KLHL1: variants seen among roughly 807,000 people sequenced by gnomAD.
KLHL1 encodes kelch like family member 1.
Under a neutral mutation model 77.7 loss-of-function variants are expected in KLHL1, and 47 were observed. The ratio of observed to expected loss-of-function variants is 0.60; its 90% CI spans 0.48 to 0.77. The LOEUF is 0.77. Ranked by LOEUF, KLHL1 falls within the 30% of genes least tolerant of loss-of-function variation. The pLI is 0.00. For missense variants in KLHL1, 925 were observed against 910.8 expected, an observed-to-expected ratio of 1.02 and a Z score of -0.20; for synonymous variants, 360 against 325.2, an observed-to-expected ratio of 1.11 and a Z score of -1.15.
At chr13:69,731,009 T>C (rs1300358549) in intron 8 of KLHL1, among the ~76,000 whole-genome samples, 1 of 151,978 alleles carries the variant, frequency 6.6e-6, no homozygotes, top group Non-Finnish European at 1.5e-5. Context: ...AAATTAAGTG[T>C]CTTTAAAGAA....
chr13:69,975,592 T>C (rs1566463368), intron 2 of KLHL1, 28 bp downstream of exon 2: 2 of 1,588,904 alleles, frequency 1.3e-6, no homozygotes, highest in East Asian at 2.3e-5. Flanking sequence ...TGTGAATGCA[T>C]GTTTCCAGTA....
chr13:70,047,148 G>A (rs1886520479), intron 1 of KLHL1, among the ~76,000 whole-genome samples: 1 of 151,838 alleles, frequency 6.6e-6, no homozygotes, highest in African/African-American at 2.4e-5. Flanking sequence ...CAGGCTTAGG[G>A]TCTAAAATGT....
intron 7 of KLHL1, among the ~76,000 whole-genome samples, chr13:69,762,581 T>G (rs1351086991): frequency 6.6e-6 from 1 of 151,084 alleles, no homozygotes; most frequent in Non-Finnish European, 1.5e-5. Context: ...AATCTTAGGC[T>G]CATAATCTCA....
intron 8 of KLHL1, among the ~76,000 whole-genome samples, chr13:69,731,930 A>G (rs1329312854): frequency 2.0e-5 from 3 of 152,158 alleles, no homozygotes; most frequent in Admixed American, 1.3e-4. Flanking sequence ...TCATATAAAA[A>G]TATTTTATTT....
At chr13:69,780,685 CATATATATATATAT>C (rs1211073965) in intron 7 of KLHL1, among the ~76,000 whole-genome samples, 1 of 28,118 alleles carries the variant, frequency 3.6e-5, no homozygotes, top group Non-Finnish European at 6.6e-5. Flanking sequence ...TCTCTTTCTT[CATATATATATATAT>C]ATGTATATAT....
chr13:69,786,416 T>A (rs1262318532), intron 7 of KLHL1, among the ~76,000 whole-genome samples: 1 of 152,158 alleles, frequency 6.6e-6, no homozygotes, highest in African/African-American at 2.4e-5. Context: ...CCCATGATTA[T>A]CTCAATGGAT....
At chr13:69,828,748 T>C (rs78315327) in intron 6 of KLHL1, among the ~76,000 whole-genome samples, 4,189 of 150,150 alleles carry the variant, frequency 0.028, 520 homozygotes, top group African/African-American at 0.098. Context: ...CCTTGCTGGC[T>C]GTGTAGGACC....
At chr13:69,944,856 T>G (rs550383056) in intron 3 of KLHL1, among the ~76,000 whole-genome samples, 63 of 152,226 alleles carry the variant, frequency 4.1e-4, no homozygotes, top group African/African-American at 1.5e-3. Flanking sequence ...TGAGAAAAGA[T>G]TGTCTTTGAA....
intron 8 of KLHL1, among the ~76,000 whole-genome samples, 166 bp downstream of exon 8, chr13:69,740,228 G>A (rs369076094): frequency 5.3e-5 from 8 of 152,172 alleles, no homozygotes; most frequent in Middle Eastern, 3.4e-3. Flanking sequence ...TTTGGGTTCC[G>A]TTGTCTATAG....
Position 69,813,451 on chromosome 13 carries a change from TA to T in KLHL1, c.1415-16490del, listed in dbSNP as rs574961099. 1.8e-4 allele frequency among the ~76,000 whole-genome samples: 27 copies of T among 148,630 alleles called. No homozygotes were observed. The South Asian group carries it at 5.3e-3, about 29-fold the overall frequency. On this transcript the variant is annotated intron_variant, in intron 6 of 10. Transcript: ENST00000377844. ...AACACACCTGCATGTTGTGCACATA[TA>T]AAAAAATACACACATATATACACAC...
At chr13:69,762,972 C>T (rs1468598069) in intron 7 of KLHL1, among the ~76,000 whole-genome samples, 2 of 151,910 alleles carry the variant, frequency 1.3e-5, no homozygotes, top group African/African-American at 4.8e-5. Context: ...AACATTTGTC[C>T]ACTCCTCTTA....
At chr13:70,066,381 C>A (rs1887005652) in intron 1 of KLHL1, among the ~76,000 whole-genome samples, 1 of 152,022 alleles carries the variant, frequency 6.6e-6, no homozygotes, top group Admixed American at 6.6e-5. Flanking sequence ...TATGTGAAAC[C>A]TAGAGATAAG....
chr13:70,014,129 G>T (rs1885601319), intron 1 of KLHL1, among the ~76,000 whole-genome samples: 1 of 151,974 alleles, frequency 6.6e-6, no homozygotes, highest in Non-Finnish European at 1.5e-5. Context: ...TAAAATCTAT[G>T]CTTCTCAGGT....
chr13:69,862,900 C>T (rs1191377333), intron 5 of KLHL1, among the ~76,000 whole-genome samples: 1 of 152,094 alleles, frequency 6.6e-6, no homozygotes, highest in Non-Finnish European at 1.5e-5. Context: ...AAATACATTT[C>T]TGATGTTTAA....
At chr13:69,848,838 T>A (rs911382601) in intron 5 of KLHL1, among the ~76,000 whole-genome samples, 1 of 151,628 alleles carries the variant, frequency 6.6e-6, no homozygotes, top group East Asian at 1.9e-4. Context: ...AGAAGAATAA[T>A]GACATAATCA....
chr13:70,066,512 C>T (rs79579089), intron 1 of KLHL1, among the ~76,000 whole-genome samples: 4,815 of 152,248 alleles, frequency 0.032, 159 homozygotes, highest in African/African-American at 0.085. Context: ...CAGAATTCCT[C>T]TTCAGTGCTA....
intron 5 of KLHL1, among the ~76,000 whole-genome samples, chr13:69,874,952 G>T (rs139265354): frequency 6.6e-6 from 1 of 152,160 alleles, no homozygotes; most frequent in African/African-American, 2.4e-5. Flanking sequence ...AGAAATTTAG[G>T]ACTACAGGTA....
At chr13:69,932,305 A>AT (rs895222504) in intron 4 of KLHL1, among the ~76,000 whole-genome samples, 1 of 151,540 alleles carries the variant, frequency 6.6e-6, no homozygotes, top group Non-Finnish European at 1.5e-5. Flanking sequence ...ATAAAAACAG[A>AT]TTTTTTTCTC....
intron 1 of KLHL1, among the ~76,000 whole-genome samples, chr13:70,004,522 C>CG (rs1885363607): frequency 1.2e-5 from 1 of 85,166 alleles, no homozygotes; most frequent in Admixed American, 1.3e-4. Flanking sequence ...CTGCCATCCC[C>CG]CTGACTAGTC....
Sources: allele counts gnomAD v4.1 joint callset (sites outside exome capture counted in the v4.1 genomes callset), GRCh38; gene constraint gnomAD v4.1.1; transcripts MANE v1.5; gene names NCBI Gene and HGNC (gene_info 2026-07-23, HGNC 2026-07-21).